Variants in APBB2 observed in about 807,000 individuals in gnomAD.
APBB2 encodes Fe65-like 1.
A neutral mutation model predicts 82.5 loss-of-function variants in APBB2; 38 were observed. The ratio of observed to expected loss-of-function variants is 0.46; its 90% CI spans 0.36 to 0.60. The LOEUF is 0.60. APBB2 is among the 20% of genes least tolerant of loss of function. The probability of loss-of-function intolerance (pLI) is 0.00; values close to 1 mark genes in which losing one functional copy is unlikely to be tolerated. For synonymous variants in APBB2, 341 were observed against 368.2 expected (o/e 0.93, Z 0.85); for missense variants, 772 against 972.3 (o/e 0.79, Z 2.74).
At chr4:40,879,347 C>T (rs188534417) in intron 12 of APBB2, among the ~76,000 whole-genome samples, 13 of 152,176 alleles carry the variant, frequency 8.5e-5, no homozygotes, top group African/African-American at 3.1e-4. Flanking sequence ...AATTCTCCTA[C>T]ATTCTCATTT....
intron 6 of APBB2, among the ~76,000 whole-genome samples, chr4:40,982,949 T>C (rs1054333212): frequency 1.4e-4 from 22 of 152,178 alleles, no homozygotes; most frequent in African/African-American, 5.3e-4. Flanking sequence ...GCGATGGCCC[T>C]TTGTCATGCC....
In APBB2 at chr4:40,814,948, AT is replaced by A. The variant is rs1248400857; in HGVS notation, c.*1143del. 2 of 152,254 alleles carry A rather than the reference AT, an allele frequency of 1.3e-5. No individual in the cohort carries two copies. The highest frequency in any genetic ancestry group is 4.1e-4 in the South Asian group (2 of 4,836). The allele number at this position is 152,254 out of a possible 1,614,324, so 9.4% of individuals were successfully genotyped here. A position where few individuals can be genotyped will look rare whatever the true frequency, so the allele number is the denominator to read the frequency against. ...TCCAACAAATTCTAATATTAAATAC[AT>A]AAAATCAAGGAAAGGTTCAACCTAA... On this transcript the variant is annotated 3_prime_UTR_variant, in exon 18 of 18. Transcript: ENST00000508593.
chr4:41,021,200 C>A (rs191033225), intron 5 of APBB2, among the ~76,000 whole-genome samples: 16 of 152,314 alleles, frequency 1.1e-4, no homozygotes, highest in African/African-American at 3.6e-4. Context: ...TGAACCGACC[C>A]GCTGGCCCTT....
chr4:41,172,436 G>A (rs1768559664), intron 1 of APBB2, among the ~76,000 whole-genome samples: 1 of 151,992 alleles, frequency 6.6e-6, no homozygotes, highest in African/African-American at 2.4e-5. Context: ...ACCAACCTCG[G>A]GGACTAGACG....
chr4:40,958,051 T>TA (rs1383647681), intron 6 of APBB2, among the ~76,000 whole-genome samples: 1 of 152,184 alleles, frequency 6.6e-6, no homozygotes, highest in Non-Finnish European at 1.5e-5. Flanking sequence ...TGTAAGCAGC[T>TA]AAAAATTACC....
At chr4:40,939,324 T>C (rs1786228030) in intron 7 of APBB2, among the ~76,000 whole-genome samples, 1 of 152,168 alleles carries the variant, frequency 6.6e-6, no homozygotes, top group Non-Finnish European at 1.5e-5. Context: ...CTCCCATCAA[T>C]GTGCAGACAA....
chr4:40,935,315 T>C lies in APBB2; in HGVS notation c.1045-176A>G, dbSNP rs1336548011. ...GCTCACTCCCTCTATGTCTAGATTA[T>C]CACCTGAAGACGAGGGCAGGAGAGT... On this transcript the variant is annotated intron_variant, in intron 7 of 17. Transcript: ENST00000508593. 4 of 567,134 alleles carry C rather than the reference T, an allele frequency of 7.1e-6. No individual in the cohort carries two copies. The South Asian group carries it at 9.7e-5, about 14-fold the overall frequency. 35.1% of individuals were successfully genotyped at this position (567,134 alleles called of 1,614,324 possible).
At chr4:41,020,460 T>G (rs1811181799) in intron 5 of APBB2, among the ~76,000 whole-genome samples, 1 of 152,184 alleles carries the variant, frequency 6.6e-6, no homozygotes, top group Non-Finnish European at 1.5e-5. Context: ...TAATAATTGG[T>G]CTGCTCAAAC....
chr4:40,974,874 T>C (rs186859066), intron 6 of APBB2, among the ~76,000 whole-genome samples: 52 of 152,356 alleles, frequency 3.4e-4, no homozygotes, highest in African/African-American at 1.1e-3. Flanking sequence ...TTGATGCTCA[T>C]TGATCATTTC....
At chr4:41,178,511 T>G (rs1034859265) in intron 1 of APBB2, among the ~76,000 whole-genome samples, 1 of 152,096 alleles carries the variant, frequency 6.6e-6, no homozygotes, top group Non-Finnish European at 1.5e-5. Flanking sequence ...GGAGATAAGG[T>G]GTGTGTTTTA....
At chr4:41,149,811 T>C (rs1580423411) in intron 1 of APBB2, among the ~76,000 whole-genome samples, 1 of 152,184 alleles carries the variant, frequency 6.6e-6, no homozygotes, top group East Asian at 1.9e-4. Context: ...GTTCTCATGA[T>C]AGTGAGTAAG....
intron 12 of APBB2, among the ~76,000 whole-genome samples, chr4:40,859,343 T>G (rs1762211925): frequency 6.6e-6 from 1 of 151,670 alleles, no homozygotes; most frequent in Non-Finnish European, 1.5e-5. Flanking sequence ...CTATCTTGGC[T>G]CACTGCAACC....
At chr4:40,917,159 C>A (rs1349387508) in intron 10 of APBB2, among the ~76,000 whole-genome samples, 1 of 152,156 alleles carries the variant, frequency 6.6e-6, no homozygotes, top group Non-Finnish European at 1.5e-5. Context: ...TGAGGCCCTG[C>A]AGAAGTTTAT....
At chr4:41,014,432 T>C (rs749092855) in intron 5 of APBB2, 34 bp from the exon 6 acceptor site, 30 of 1,571,736 alleles carry the variant, frequency 1.9e-5, no homozygotes, top group Middle Eastern at 1.7e-4. Flanking sequence ...ACACCTGCCA[T>C]GATTAAACTA....
intron 6 of APBB2, chr4:40,990,321 T>C (rs1053550732): frequency 1.3e-5 from 2 of 151,988 alleles, no homozygotes; most frequent in African/African-American, 4.8e-5. Flanking sequence ...TCCCCTCTTG[T>C]CTCTCTCTCT....
At chr4:41,144,343 G>C (rs776301159) in intron 1 of APBB2, among the ~76,000 whole-genome samples, 3 of 152,172 alleles carry the variant, frequency 2.0e-5, no homozygotes, top group African/African-American at 7.2e-5. Context: ...TATATGTATG[G>C]TATGATCCCA....
intron 5 of APBB2, among the ~76,000 whole-genome samples, chr4:41,015,534 T>C (rs1171910966): frequency 6.6e-6 from 1 of 152,198 alleles, no homozygotes; most frequent in Non-Finnish European, 1.5e-5. Context: ...ATAATTTCCT[T>C]GTTTGGGAGC....
intron 4 of APBB2, among the ~76,000 whole-genome samples, chr4:41,042,716 A>G (rs1300368402): frequency 1.3e-5 from 2 of 152,226 alleles, no homozygotes; most frequent in East Asian, 1.9e-4. Context: ...CATCAAACAC[A>G]TGAAAGAACA....
intron 1 of APBB2, among the ~76,000 whole-genome samples, chr4:41,151,218 C>G (rs1232758279): frequency 6.6e-6 from 1 of 152,136 alleles, no homozygotes; most frequent in Non-Finnish European, 1.5e-5. Flanking sequence ...GTGGCTCTTA[C>G]AAAGATGCCA....
Sources: gnomAD v4.1 joint callset for allele counts (sites outside exome capture counted in the v4.1 genomes callset) on GRCh38, gnomAD v4.1.1 for gene constraint, MANE v1.5 for transcripts, NCBI Gene and HGNC (gene_info 2026-07-23, HGNC 2026-07-21) for gene names.